FAM120B: variants seen among roughly 807,000 people sequenced by gnomAD.
FAM120B encodes the protein family with sequence similarity 120 member B.
FAM120B carries 83 observed loss-of-function variants against 96.3 expected under a neutral mutation model. The observed-to-expected ratio is 0.86, with a 90% confidence interval of 0.72 to 1.03. FAM120B has a LOEUF of 1.03. Ranked by LOEUF, FAM120B falls within the 50% of genes least tolerant of loss-of-function variation. FAM120B has a pLI of 0.00. For missense variants in FAM120B, 1,027 were observed against 1,121.2 expected (o/e 0.92, Z 1.20); for synonymous variants, 407 against 402.7 (o/e 1.01, Z -0.13).
chr6:170,296,228 G>A (rs1442939462), intron 1 of FAM120B, among the ~76,000 whole-genome samples: 1 of 152,106 alleles, frequency 6.6e-6, no homozygotes. Context: ...GCCGGGTGTT[G>A]GGGGGTTAGA....
In FAM120B at chr6:170,404,942, T is replaced by C; in HGVS notation, c.*191T>C. 1 of 260,822 alleles carries C rather than the reference T, an allele frequency of 3.8e-6. No homozygotes were observed. The highest frequency in any genetic ancestry group is 1.0e-4 in the South Asian group (1 of 9,916). The allele number at this position is 260,822 out of a possible 1,614,324, so 16.2% of individuals were successfully genotyped here. On this transcript the variant is annotated 3_prime_UTR_variant, in exon 11 of 11. Coordinates refer to ENST00000476287, the MANE Select transcript of FAM120B (RefSeq NM_032448.3). Reference sequence around the variant, plus strand: ...ATTGTGCAGAAGAGCTTTTGTTGGCTTCTCTCCCGAGCTTGTGCCTGATTC... The same window carrying C: ...ATTGTGCAGAAGAGCTTTTGTTGGCCTCTCTCCCGAGCTTGTGCCTGATTC...
chr6:170,300,962 A>C (rs1224410178), intron 1 of FAM120B, among the ~76,000 whole-genome samples: 1 of 152,146 alleles, frequency 6.6e-6, no homozygotes, highest in Non-Finnish European at 1.5e-5. Flanking sequence ...TGCACTTTGC[A>C]AGCTGTTGGT....
chr6:170,372,041 A>G lies in FAM120B; in HGVS notation c.2283+13723A>G, dbSNP rs148393159. On this transcript the variant is annotated intron_variant, in intron 6 of 10. Transcript: ENST00000476287. ...AGTTGACTCTCATATTTATTCAGTT[A>G]TTTTTAAAGAGTTTATCCTACTGAT... Among the ~76,000 whole-genome samples the G allele has an allele frequency of 2.8e-3, 427 of 152,318 alleles. 1 individual carries two copies. Among genetic ancestry groups the G allele is most frequent in the African/African-American group, 9.7e-3 (405 of 41,568 alleles).
intron 6 of FAM120B, among the ~76,000 whole-genome samples, chr6:170,381,117 G>A (rs1789874550): frequency 6.6e-6 from 1 of 152,198 alleles, no homozygotes; most frequent in Admixed American, 6.5e-5. Context: ...ATCAAGGGAG[G>A]TCAGCTTGGC....
chr6:170,361,198 G>GTATGTATA (rs1554286343), intron 6 of FAM120B, among the ~76,000 whole-genome samples: 1 of 66,026 alleles, frequency 1.5e-5, no homozygotes, highest in Admixed American at 2.0e-4. Flanking sequence ...ATATATACGT[G>GTATGTATA]TATATATATA....
At chr6:170,309,111 G>T (rs914829989) in intron 1 of FAM120B, among the ~76,000 whole-genome samples, 1 of 152,192 alleles carries the variant, frequency 6.6e-6, no homozygotes, top group Admixed American at 6.5e-5. Context: ...GTTATACACT[G>T]TGTAAATTCA....
At chr6:170,349,703 A>G (rs1225478702) in intron 5 of FAM120B, among the ~76,000 whole-genome samples, 1 of 152,222 alleles carries the variant, frequency 6.6e-6, no homozygotes, top group African/African-American at 2.4e-5. Flanking sequence ...TAGATGTAAA[A>G]AGAGAGGAGA....
At chr6:170,388,570 G>T in intron 7 of FAM120B, 77 bp downstream of exon 7, 1 of 1,277,140 alleles carries the variant, frequency 7.8e-7, no homozygotes. Context: ...GAAGTCGGCT[G>T]TTGCATTTTT....
upstream of FAM120B, among the ~76,000 whole-genome samples, chr6:170,291,600 G>C (rs1004091546): frequency 6.6e-6 from 1 of 152,206 alleles, no homozygotes; most frequent in Non-Finnish European, 1.5e-5. Context: ...AGGGCTGCCA[G>C]AGCGAAGCGG....
intron 6 of FAM120B, among the ~76,000 whole-genome samples, chr6:170,373,324 C>T (rs1178358853): frequency 1.3e-5 from 2 of 152,220 alleles, no homozygotes; most frequent in Admixed American, 1.3e-4. Context: ...AAAGGCCATA[C>T]CTTTCAATCA....
upstream of FAM120B, among the ~76,000 whole-genome samples, chr6:170,294,004 C>T (rs1056739220): frequency 2.0e-5 from 3 of 152,152 alleles, no homozygotes; most frequent in East Asian, 1.9e-4. The surrounding 1 kb of genome is among the most constrained non-coding windows in gnomAD (Gnocchi z 7.9). Context: ...CTGGAGGGGA[C>T]GACACGCCTT....
chr6:170,315,208 T>C (rs1169465511), intron 1 of FAM120B, among the ~76,000 whole-genome samples: 1 of 152,152 alleles, frequency 6.6e-6, no homozygotes, highest in Admixed American at 6.5e-5. Context: ...CACTCCAGAT[T>C]TGTGAGGCTT....
rs964145710 is a variant in FAM120B at position 170,370,948 on chromosome 6, A to G, written c.2283+12630A>G. On this transcript the variant is annotated intron_variant, in intron 6 of 10. Coordinates refer to ENST00000476287, the MANE Select transcript of FAM120B (RefSeq NM_032448.3). The surrounding 1 kb of genome is among the most constrained non-coding windows in gnomAD (Gnocchi z 4.3). The stretch of plus-strand genomic sequence containing the variant: ...CACCCCACCAAGCAAGAAATGGTGT[A>G]TATATATCTCAATACGGATGGATGG... 6.6e-6 allele frequency among the ~76,000 whole-genome samples: 1 copy of G among 152,160 alleles called. No individual in the cohort carries two copies. The highest frequency in any genetic ancestry group is 1.5e-5 in the Non-Finnish European group (1 of 68,022).
rs1790137940 is a variant in FAM120B, at chr6:170,385,552, G to T, written c.2284-2735G>T. On this transcript the variant is annotated intron_variant, in intron 6 of 10. Coordinates refer to ENST00000476287, the MANE Select transcript of FAM120B (RefSeq NM_032448.3). ...TTCGCAGGAGTTCTCCCTCCTTGCT[G>T]GTGGGAATTCAAAGTGGTGAAGCCA... Among the ~76,000 whole-genome samples, 2 of 152,186 alleles carry T rather than the reference G, an allele frequency of 1.3e-5. 1 individual carries two copies. Among genetic ancestry groups the T allele is most frequent in the South Asian group, 4.1e-4 (2 of 4,832 alleles).
At chr6:170,347,431 C>A (rs930906566) in intron 4 of FAM120B, among the ~76,000 whole-genome samples, 1 of 152,098 alleles carries the variant, frequency 6.6e-6, no homozygotes, top group Non-Finnish European at 1.5e-5. Context: ...CATCATTTGT[C>A]GTGGTTTCAG....
intron 6 of FAM120B, among the ~76,000 whole-genome samples, chr6:170,366,089 A>G (rs1788776417): frequency 6.6e-6 from 1 of 152,178 alleles, no homozygotes; most frequent in African/African-American, 2.4e-5. Flanking sequence ...ATGTAGACTC[A>G]GTGGCATTCT....
chr6:170,372,985 AT>A (rs1789288405), intron 6 of FAM120B, among the ~76,000 whole-genome samples: 1 of 152,224 alleles, frequency 6.6e-6, no homozygotes, highest in African/African-American at 2.4e-5. Context: ...ATGAAGCAAT[AT>A]CTGAAACTTA....
chr6:170,367,261 A>T (rs890379782), intron 6 of FAM120B, among the ~76,000 whole-genome samples: 11 of 152,258 alleles, frequency 7.2e-5, no homozygotes, highest in Non-Finnish European at 1.2e-4. Context: ...TTACCAGACT[A>T]TCGCCCATAG....
intron 2 of FAM120B, among the ~76,000 whole-genome samples, chr6:170,319,816 C>G (rs533148604): frequency 1.3e-5 from 2 of 151,932 alleles, no homozygotes; most frequent in African/African-American, 4.8e-5. Flanking sequence ...CACGCGGGGG[C>G]GCAGGGAGAA....
Sources: allele counts gnomAD v4.1 joint callset (sites outside exome capture counted in the v4.1 genomes callset), GRCh38; gene constraint gnomAD v4.1.1; non-coding constraint Gnocchi (gnomAD v3.1); transcripts MANE v1.5; gene names NCBI Gene and HGNC (gene_info 2026-07-23, HGNC 2026-07-21).